The following ARG1 variants were observed in gnomAD, a reference collection of about 807,000 sequenced individuals.
ARG1 encodes the protein arginase 1.
A neutral mutation model predicts 33.0 loss-of-function variants in ARG1; 20 were observed. The observed-to-expected ratio is 0.61, with a 90% confidence interval of 0.43 to 0.88. The LOEUF is 0.88. Among genes scored for constraint, ARG1 ranks in the 40% least tolerant of loss-of-function variants. The pLI, the probability that ARG1 is intolerant of heterozygous loss-of-function variation, is 0.00. For synonymous variants in ARG1, 146 were observed against 140.6 expected, an observed-to-expected ratio of 1.04 and a Z score of -0.27; for missense variants, 374 against 384.7, an observed-to-expected ratio of 0.97 and a Z score of 0.23.
chr6:131,575,182 G>A (rs1253377775), intron 1 of ARG1, among the ~76,000 whole-genome samples: 2 of 152,104 alleles, frequency 1.3e-5, no homozygotes, highest in Admixed American at 6.5e-5. Context: ...GTCAACTAAG[G>A]GGTCTATGAG....
intron 1 of ARG1, 89 bp from the exon 2 acceptor site, chr6:131,576,574 T>A: frequency 7.9e-7 from 1 of 1,264,696 alleles, no homozygotes; most frequent in Admixed American, 1.7e-5. Context: ...TAGTTACAGT[T>A]CAACTGATTA....
At position 131,582,679 on chromosome 6, in the gene ARG1, T is replaced by A. The variant is rs770776974; in HGVS notation, c.524T>A (p.Val175Glu). ...CCCTGTATATCTGCCAAGGATATTG[T>A]GTATATTGGCTTGAGAGACGTGGAC... The part of the protein sequence containing the change: ...VTPCISAKDI[V>E]YIGLRDVDPG... The change falls in exon 5 of 8, where the codon GTG (valine) becomes GAG (glutamate). Residue 175 changes from valine to glutamate, a missense_variant. Transcript: ENST00000368087. 3 of 1,613,890 alleles carry A rather than the reference T, an allele frequency of 1.9e-6. No homozygotes were observed. Among genetic ancestry groups the A allele is most frequent in the Non-Finnish European group, 2.5e-6 (3 of 1,179,828 alleles).
intron 6 of ARG1, 85 bp from the exon 7 acceptor site, chr6:131,583,270 T>A: frequency 1.9e-6 from 3 of 1,608,632 alleles, no homozygotes; most frequent in Non-Finnish European, 1.7e-6. Context: ...GGTTGCTACT[T>A]TTTATAAAAC....
intron 3 of ARG1, among the ~76,000 whole-genome samples, chr6:131,580,671 T>C (rs754189354): frequency 2.0e-5 from 3 of 152,200 alleles, no homozygotes; most frequent in Non-Finnish European, 2.9e-5. Flanking sequence ...ATGCATTGAA[T>C]AGAATGAGTG....
intron 2 of ARG1, among the ~76,000 whole-genome samples, chr6:131,577,765 C>T (rs901125385): frequency 3.3e-5 from 5 of 151,548 alleles, no homozygotes; most frequent in African/African-American, 1.2e-4. Flanking sequence ...AATAGCTGGG[C>T]GTGGTGGCAT....
chr6:131,576,106 A>G lies in ARG1; in HGVS notation c.58-557A>G, dbSNP rs1214369098. ...ACTCATGTCGCAAGACTCAGCTTAA[A>G]CAGCATTTATTTCTTGCAGCCTTTA... On this transcript the variant is annotated intron_variant, in intron 1 of 7. Transcript: ENST00000368087. Among the ~76,000 whole-genome samples the G allele has an allele frequency of 2.0e-5, 3 of 152,188 alleles. No homozygotes were observed. The East Asian group carries it at 5.8e-4, about 29-fold the overall frequency.
At chr6:131,574,159 AAAAC>A in intron 1 of ARG1, 1 of 1,154,844 alleles carries the variant, frequency 8.7e-7, no homozygotes, top group Admixed American at 1.7e-5. Context: ...AAGAGGATAA[AAAAC>A]AAAGAACAAA....
At position 131,573,723 on chromosome 6, in the gene ARG1, A is replaced by G. The variant is rs144093422; in HGVS notation, c.57+384A>G. 6.8e-4 allele frequency among the ~76,000 whole-genome samples: 103 copies of G among 152,316 alleles called. 2 individuals are homozygous for G. In the East Asian group the frequency reaches 0.019, roughly 28 times the overall value. The stretch of plus-strand genomic sequence containing the variant: ...AGGAAGAGAGAATTTTAAGAAATAC[A>G]TTTGTTTAGTTATGTAATTAATGCC... On this transcript the variant is annotated intron_variant, in intron 1 of 7. Coordinates refer to ENST00000368087, the MANE Select transcript of ARG1 (RefSeq NM_000045.4).
At chr6:131,579,351 G>A in intron 3 of ARG1, 66 bp downstream of exon 3, 1 of 1,569,412 alleles carries the variant, frequency 6.4e-7, no homozygotes, top group Non-Finnish European at 8.7e-7. Flanking sequence ...CATAAGAAGA[G>A]AGAAAATTTA....
chr6:131,574,230 T>G, intron 1 of ARG1: 4 of 1,602,024 alleles, frequency 2.5e-6, no homozygotes, highest in Non-Finnish European at 3.4e-6. Flanking sequence ...TCCAGGTTTC[T>G]CAGGATCTGG....
chr6:131,582,866 C>G (rs1368553697), intron 5 of ARG1, 151 bp downstream of exon 5: 2 of 774,256 alleles, frequency 2.6e-6, no homozygotes, highest in African/African-American at 3.5e-5. Context: ...CATGTACATA[C>G]ATATGTATGT....
chr6:131,574,437 C>T (rs1773516559), intron 1 of ARG1: 1 of 908,242 alleles, frequency 1.1e-6, no homozygotes, highest in East Asian at 2.4e-5. Flanking sequence ...AGAAATGTTC[C>T]TTTTAAAATC....
intron 1 of ARG1, chr6:131,574,360 T>C: frequency 1.3e-6 from 2 of 1,583,644 alleles, no homozygotes; most frequent in East Asian, 2.2e-5. Flanking sequence ...TGTCAGTAAA[T>C]ACTACTTTGC....
chr6:131,581,400 T>C lies in ARG1; in HGVS notation c.465+22T>C, dbSNP rs145181256. 195 of 1,604,178 alleles carry C rather than the reference T, an allele frequency of 1.2e-4. 1 individual carries two copies. In the East Asian group the frequency reaches 4.3e-3, roughly 36 times the overall value. Reference sequence around the variant, plus strand: ...AAAGGTAAAAGACTGGTTGGTACTCTAGTGCAATAGAATACTTTTTAGTAG... The same window carrying C: ...AAAGGTAAAAGACTGGTTGGTACTCCAGTGCAATAGAATACTTTTTAGTAG... On this transcript the variant is annotated intron_variant, in intron 4 of 7. Coordinates refer to ENST00000368087, the MANE Select transcript of ARG1 (RefSeq NM_000045.4).
chr6:131,578,993 G>T, intron 2 of ARG1, 118 bp from the exon 3 acceptor site: 1 of 1,211,008 alleles, frequency 8.3e-7, no homozygotes, highest in Non-Finnish European at 1.2e-6. Context: ...GACCTTTCAG[G>T]TTTTTCCTTT....
chr6:131,584,107 A>C lies in ARG1; in HGVS notation c.*199A>C. 1 of 621,260 alleles carries C rather than the reference A, an allele frequency of 1.6e-6. No individual in the cohort carries two copies. The highest frequency in any genetic ancestry group is 2.7e-6 in the Non-Finnish European group (1 of 371,058). 38.5% of individuals were successfully genotyped at this position (621,260 alleles called of 1,614,324 possible). On this transcript the variant is annotated 3_prime_UTR_variant, in exon 8 of 8. Coordinates refer to ENST00000368087, the MANE Select transcript of ARG1 (RefSeq NM_000045.4). ...TAACTTTTTTGAAATTTAAAAGCTT[A>C]TATTTTCTAACTTGGCAAAAGACTT...
intron 1 of ARG1, 162 bp from the exon 2 acceptor site, chr6:131,576,501 C>T (rs976910251): frequency 1.5e-6 from 1 of 687,360 alleles, no homozygotes; most frequent in African/African-American, 1.8e-5. Flanking sequence ...ATTCAGTCTA[C>T]CTTGCTGTGA....
chr6:131,573,311 T>C lies in ARG1; in HGVS notation c.29T>C (p.Ile10Thr), dbSNP rs1404599890. The change falls in exon 1 of 8, where the codon ATT becomes ACT. Residue 10 changes from isoleucine (I) to threonine (T), a missense_variant. By Grantham distance (89) the Ile-to-Thr change is moderately conservative. Coordinates refer to ENST00000368087, the MANE Select transcript of ARG1 (RefSeq NM_000045.4). Reference protein sequence around the residue: MSAKSRTIGIIGAPFSKGQP... With the variant: MSAKSRTIGTIGAPFSKGQP... ...AGCGCCAAGTCCAGAACCATAGGGATTATTGGAGCTCCTTTCTCAAAGGGA... is the reference window on the plus strand; with the variant it reads ...AGCGCCAAGTCCAGAACCATAGGGACTATTGGAGCTCCTTTCTCAAAGGGA... The C allele has an allele frequency of 4.3e-6, 7 of 1,613,882 alleles. No homozygotes were observed. Among genetic ancestry groups the C allele is most frequent in the Non-Finnish European group, 5.9e-6 (7 of 1,179,908 alleles).
At position 131,579,269 on chromosome 6, in the gene ARG1, C is replaced by G. The variant is rs760319794; in HGVS notation, c.289C>G (p.Leu97Val). 9.9e-6 allele frequency: 16 copies of G among 1,613,904 alleles called. No individual in the cohort carries two copies. The East Asian group carries it at 2.9e-4, about 29-fold the overall frequency. Residue 97 changes from leucine (L) to valine (V), a missense_variant, in exon 3 of 8, where the codon CTG becomes GTG. Coordinates refer to ENST00000368087, the MANE Select transcript of ARG1 (RefSeq NM_000045.4). ...GAAGAACGGAAGAATCAGCCTGGTG[C>G]TGGGCGGAGACCACAGGTCTTGTTG... ...VKKNGRISLV[L>V]GGDHSLAIGS... is the part of the protein sequence containing the mutation.
Sources: gnomAD v4.1 joint callset for allele counts (sites outside exome capture counted in the v4.1 genomes callset) on GRCh38, gnomAD v4.1.1 for gene constraint, MANE v1.5 for transcripts, NCBI Gene and HGNC (gene_info 2026-07-23, HGNC 2026-07-21) for gene names.